Variants in LARGE1 observed in about 807,000 individuals in gnomAD.
LARGE1 encodes the protein LARGE xylosyl- and glucuronyltransferase 1.
In LARGE1, 43 loss-of-function variants were observed where a neutral mutation model predicts 87.6. That is an observed-to-expected ratio of 0.49 (90% confidence interval 0.38 to 0.63). The LOEUF (loss-of-function observed/expected upper bound fraction) is 0.63. Among genes scored for constraint, LARGE1 ranks in the 30% least tolerant of loss-of-function variants. The pLI is 0.00. For synonymous variants in LARGE1, 434 were observed against 394.6 expected, an observed-to-expected ratio of 1.10 and a Z score of -1.18; for missense variants, 802 against 1,000.2, an observed-to-expected ratio of 0.80 and a Z score of 2.67.
chr22:33,759,431 C>G (rs190911535), intron 2 of LARGE1, among the ~76,000 whole-genome samples: 1 of 152,306 alleles, frequency 6.6e-6, no homozygotes, highest in East Asian at 1.9e-4. Flanking sequence ...CCTCTGGGAC[C>G]ATGGGCAGAT....
chr22:33,849,557 A>G (rs2146490787), intron 1 of LARGE1, among the ~76,000 whole-genome samples: 1 of 149,012 alleles, frequency 6.7e-6, no homozygotes, highest in Non-Finnish European at 1.5e-5. Flanking sequence ...AGTTTTCAAC[A>G]TATTAATCCC....
At chr22:33,522,961 C>A (rs2071686532) in intron 6 of LARGE1, among the ~76,000 whole-genome samples, 1 of 152,044 alleles carries the variant, frequency 6.6e-6, no homozygotes, top group African/African-American at 2.4e-5. Context: ...TGAGCCAAGA[C>A]TGCATCACTG....
At chr22:33,335,111 G>A (rs1315960061) in intron 10 of LARGE1, among the ~76,000 whole-genome samples, 1 of 152,208 alleles carries the variant, frequency 6.6e-6, no homozygotes, top group African/African-American at 2.4e-5. Flanking sequence ...CTTCTCCATG[G>A]AGGGGGGAAA....
In LARGE1 at chr22:33,329,306, G is replaced by C. The variant is rs1017951499; in HGVS notation, c.1287+8340C>G. Reference sequence around the variant, plus strand: ...CATATACATTCAAAAATTCATTGGTGTCCAGTGTATTTTTTTTTTGTAGTT... The same window carrying C: ...CATATACATTCAAAAATTCATTGGTCTCCAGTGTATTTTTTTTTTGTAGTT... On this transcript the variant is annotated intron_variant, in intron 10 of 14. Coordinates refer to ENST00000397394, the MANE Select transcript of LARGE1 (RefSeq NM_133642.5). 3.0e-5 allele frequency among the ~76,000 whole-genome samples: 3 copies of C among 99,652 alleles called. No homozygotes were observed. In the South Asian group the frequency reaches 8.7e-4, roughly 29 times the overall value. 65.4% of individuals were successfully genotyped at this position (99,652 alleles called of 152,430 possible).
intron 5 of LARGE1, among the ~76,000 whole-genome samples, chr22:33,602,605 G>C (rs2079140904): frequency 6.6e-6 from 1 of 152,124 alleles, no homozygotes; most frequent in African/African-American, 2.4e-5. Context: ...CTGGGATCAA[G>C]TGATCCCCCT....
chr22:33,481,029 A>G (rs1465235770), intron 6 of LARGE1, among the ~76,000 whole-genome samples: 1 of 152,020 alleles, frequency 6.6e-6, no homozygotes, highest in Admixed American at 6.6e-5. Flanking sequence ...ATAATACTAA[A>G]AGCTCCCTAT....
chr22:33,295,650 G>A (rs540742660), intron 12 of LARGE1, among the ~76,000 whole-genome samples: 109 of 152,306 alleles, frequency 7.2e-4, no homozygotes, highest in African/African-American at 2.5e-3. Flanking sequence ...ATAAAGGCCA[G>A]GGAATAGGGT....
chr22:33,497,563 CA>C (rs2070200899), intron 6 of LARGE1, among the ~76,000 whole-genome samples: 1 of 152,310 alleles, frequency 6.6e-6, no homozygotes, highest in East Asian at 1.9e-4. Flanking sequence ...AGATCATTCA[CA>C]TAAGATCACT....
intron 9 of LARGE1, among the ~76,000 whole-genome samples, chr22:33,348,384 T>C (rs1352025441): frequency 6.6e-6 from 1 of 151,666 alleles, no homozygotes; most frequent in African/African-American, 2.4e-5. Flanking sequence ...GCCTTTTCTG[T>C]TACTCCAAAC....
chr22:33,334,913 G>A (rs561168382), intron 10 of LARGE1, among the ~76,000 whole-genome samples: 169 of 152,274 alleles, frequency 1.1e-3, no homozygotes, highest in Non-Finnish European at 2.0e-3. Flanking sequence ...CACGGATTCC[G>A]AGAAAGACCA....
chr22:33,119,324 C>G, the LARGE1 span, among the ~76,000 whole-genome samples: 59 of 152,118 alleles, frequency 3.9e-4, 1 homozygote, highest in South Asian at 7.5e-3. Context: ...ATTTCTAATG[C>G]TTTTATATAT....
At chr22:33,565,550 T>C (rs1341673864) in intron 5 of LARGE1, among the ~76,000 whole-genome samples, 1 of 136,706 alleles carries the variant, frequency 7.3e-6, no homozygotes, top group African/African-American at 2.6e-5. Flanking sequence ...CTTCTCTTTA[T>C]TCTCAGATAA....
At chr22:33,571,620 A>G (rs1447635984) in intron 5 of LARGE1, among the ~76,000 whole-genome samples, 1 of 152,244 alleles carries the variant, frequency 6.6e-6, no homozygotes, top group Non-Finnish European at 1.5e-5. Flanking sequence ...ATACCCCAGT[A>G]AAGATAATAA....
chr22:33,357,348 G>T (rs1358366378), intron 9 of LARGE1, among the ~76,000 whole-genome samples: 1 of 151,536 alleles, frequency 6.6e-6, no homozygotes, highest in Non-Finnish European at 1.5e-5. Flanking sequence ...TGGAGACTCT[G>T]AAGGCTGAGA....
intron 6 of LARGE1, among the ~76,000 whole-genome samples, chr22:33,491,506 G>A (rs1185549385): frequency 6.6e-6 from 1 of 152,294 alleles, no homozygotes; most frequent in Admixed American, 6.5e-5. Flanking sequence ...GACAATGCTC[G>A]ACGCTCACTT....
chr22:33,087,754 G>C, the LARGE1 span, among the ~76,000 whole-genome samples: 1 of 152,128 alleles, frequency 6.6e-6, no homozygotes, highest in South Asian at 2.1e-4. Flanking sequence ...GGTCAGCAGG[G>C]CGAAACCCCA....
chr22:33,233,103 G>A (rs1045152261), intron 11 of LARGE1, among the ~76,000 whole-genome samples: 18 of 152,140 alleles, frequency 1.2e-4, no homozygotes, highest in Admixed American at 2.6e-4. Context: ...GCTAAACCTC[G>A]TCAGGAGCTT....
intron 2 of LARGE1, among the ~76,000 whole-genome samples, chr22:33,718,921 G>A (rs1429364820): frequency 6.6e-6 from 1 of 152,136 alleles, no homozygotes; most frequent in African/African-American, 2.4e-5. Flanking sequence ...CTCCCAAGTG[G>A]CTAGGATTAC....
intron 7 of LARGE1, among the ~76,000 whole-genome samples, chr22:33,389,852 AACC>A (rs1162363965): frequency 1.9e-4 from 9 of 47,472 alleles, no homozygotes; most frequent in Admixed American, 1.4e-3. Flanking sequence ...CTCAAAAACC[AACC>A]AACCAACCAA....
Sources: gnomAD v4.1 joint callset for allele counts (sites outside exome capture counted in the v4.1 genomes callset) on GRCh38, gnomAD v4.1.1 for gene constraint, MANE v1.5 for transcripts, NCBI Gene and HGNC (gene_info 2026-07-23, HGNC 2026-07-21) for gene names.